Variants in TSC22D1 observed in about 807,000 individuals in gnomAD.
The protein encoded by TSC22D1 is TSC22 domain family protein 1.
A neutral mutation model predicts 74.2 loss-of-function variants in TSC22D1; 9 were observed. The ratio of observed to expected loss-of-function variants is 0.12; its 90% CI spans 0.07 to 0.21. The LOEUF is 0.21. TSC22D1 is among the 10% of genes least tolerant of loss of function. The probability of loss-of-function intolerance (pLI) is 1.00; values close to 1 mark genes in which losing one functional copy is unlikely to be tolerated. For synonymous variants in TSC22D1, 586 were observed against 492.5 expected, an observed-to-expected ratio of 1.19 and a Z score of -2.51; for missense variants, 1,427 against 1,304.7, an observed-to-expected ratio of 1.09 and a Z score of -1.44.
chr13:44,574,672 C>T lies in TSC22D1; in HGVS notation c.1403G>A (p.Ser468Asn). 1.2e-6 allele frequency: 2 copies of T among 1,614,142 alleles called. No individual in the cohort carries two copies. Among genetic ancestry groups the T allele is most frequent in the Non-Finnish European group, 1.7e-6 (2 of 1,180,036 alleles). ...TGTGCTGACACTACTGCTCACTGAA[C>T]TCCCACTAGTGCTCTCCCTTTCAGA... ...VTSERESTSG[S>N]SVSSSVSTLS... The change falls in exon 1 of 3, where the codon AGT becomes AAT. Residue 468 changes from serine (S) to asparagine (N), a missense_variant. Ser to Asn is a conservative substitution (Grantham distance 46). This residue lies in a region of TSC22D1 where 1,343 missense variants were observed against 1,191.5 expected (regional missense o/e 1.13). Coordinates refer to ENST00000458659, the MANE Select transcript of TSC22D1 (RefSeq NM_183422.4).
At chr13:44,509,420 C>G (rs1299007846) in intron 1 of TSC22D1, among the ~76,000 whole-genome samples, 1 of 152,220 alleles carries the variant, frequency 6.6e-6, no homozygotes, top group Non-Finnish European at 1.5e-5. Flanking sequence ...AGGCAGATCA[C>G]TTGAGGTCAG....
chr13:44,531,682 C>G (rs913659692), intron 1 of TSC22D1, among the ~76,000 whole-genome samples: 1 of 152,152 alleles, frequency 6.6e-6, no homozygotes, highest in African/African-American at 2.4e-5. Context: ...CTTAGATGTA[C>G]ATGCAACCAT....
intron 1 of TSC22D1, among the ~76,000 whole-genome samples, chr13:44,544,734 T>C (rs1881710289): frequency 6.6e-6 from 1 of 152,142 alleles, no homozygotes; most frequent in Non-Finnish European, 1.5e-5. Context: ...GTATATTTTC[T>C]CTTCAACCTT....
chr13:44,525,795 C>CAAAAAAA (rs59399056), intron 1 of TSC22D1, among the ~76,000 whole-genome samples: 4 of 88,550 alleles, frequency 4.5e-5, no homozygotes, highest in Non-Finnish European at 5.1e-5. Flanking sequence ...TAGCTTTTAA[C>CAAAAAAA]AAAAAAAAAA....
At chr13:44,548,165 AT>A (rs1881953963) in intron 1 of TSC22D1, among the ~76,000 whole-genome samples, 1 of 152,260 alleles carries the variant, frequency 6.6e-6, no homozygotes, top group African/African-American at 2.4e-5. Context: ...TTTAATTTAC[AT>A]TTTTCCAAAT....
chr13:44,517,829 G>GTGTA lies in TSC22D1; in HGVS notation c.2912+55333_2912+55334insTACA, dbSNP rs1271183064. 4.2e-3 allele frequency among the ~76,000 whole-genome samples: 60 copies of GTGTA among 14,118 alleles called. 2 individuals are homozygous for GTGTA. Among genetic ancestry groups the GTGTA allele is most frequent in the East Asian group, 8.9e-3 (3 of 336 alleles). The allele number at this position is 14,118 out of a possible 152,430, so 9.3% of individuals were successfully genotyped here. A position where few individuals can be genotyped will look rare whatever the true frequency, so the allele number is the denominator to read the frequency against. ...CATATATATGTGTGTGTGTGTGTGTGTATATATATATATATATATATATAT... is the reference window on the plus strand; with the variant it reads ...CATATATATGTGTGTGTGTGTGTGTGTGTATATATATATATATATATATATATAT... On this transcript the variant is annotated intron_variant, in intron 1 of 2. Coordinates refer to ENST00000458659, the MANE Select transcript of TSC22D1 (RefSeq NM_183422.4).
intron 1 of TSC22D1, among the ~76,000 whole-genome samples, chr13:44,463,916 C>T (rs1053172550): frequency 1.3e-5 from 2 of 152,174 alleles, no homozygotes; most frequent in African/African-American, 4.8e-5. Context: ...GAGAGTTCCA[C>T]AGTGCTAAGA....
intron 1 of TSC22D1, among the ~76,000 whole-genome samples, chr13:44,445,372 A>T (rs1875555019): frequency 6.6e-6 from 1 of 152,144 alleles, no homozygotes; most frequent in Admixed American, 6.5e-5. Flanking sequence ...GCCATATGAA[A>T]TATTAACTTA....
At chr13:44,539,696 A>G in intron 1 of TSC22D1, 2 of 1,185,356 alleles carry the variant, frequency 1.7e-6, no homozygotes, top group Non-Finnish European at 2.1e-6. Flanking sequence ...AGTTTACCAC[A>G]GAATTAAATG....
At chr13:44,465,302 G>A (rs1436233779) in intron 1 of TSC22D1, among the ~76,000 whole-genome samples, 1 of 152,116 alleles carries the variant, frequency 6.6e-6, no homozygotes, top group African/African-American at 2.4e-5. Flanking sequence ...CTTTACCCCC[G>A]AAGACTTTGC....
intron 1 of TSC22D1, among the ~76,000 whole-genome samples, chr13:44,547,576 C>T (rs888557062): frequency 2.7e-5 from 4 of 147,384 alleles, no homozygotes; most frequent in African/African-American, 8.1e-5. Context: ...AGACCTTCTC[C>T]TCATTTGTTT....
intron 1 of TSC22D1, among the ~76,000 whole-genome samples, chr13:44,519,517 G>C (rs191598245): frequency 6.6e-6 from 1 of 152,048 alleles, no homozygotes. Context: ...CACAAGAGAC[G>C]TCCCTGAAGT....
intron 1 of TSC22D1, among the ~76,000 whole-genome samples, chr13:44,566,474 A>G (rs887157253): frequency 5.9e-5 from 9 of 152,222 alleles, no homozygotes; most frequent in African/African-American, 2.2e-4. Context: ...ATTACATACT[A>G]TTCTTATTTC....
intron 1 of TSC22D1, among the ~76,000 whole-genome samples, chr13:44,528,377 A>G (rs1007927142): frequency 3.9e-5 from 6 of 152,090 alleles, no homozygotes; most frequent in Non-Finnish European, 1.5e-5. Flanking sequence ...TCAATAACAC[A>G]TACCAAATAT....
At chr13:44,567,330 T>C (rs1054132257) in intron 1 of TSC22D1, among the ~76,000 whole-genome samples, 1 of 152,134 alleles carries the variant, frequency 6.6e-6, no homozygotes, top group Non-Finnish European at 1.5e-5. Context: ...CAGGTTACCA[T>C]ACAGGAAAGC....
chr13:44,435,904 A>T, intron 2 of TSC22D1, 140 bp downstream of exon 2: 1 of 930,504 alleles, frequency 1.1e-6, no homozygotes, highest in Non-Finnish European at 1.7e-6. Context: ...ACGCTGGCCG[A>T]ATGGAGACAG....
At chr13:44,472,628 C>A (rs1566129105) in intron 1 of TSC22D1, among the ~76,000 whole-genome samples, 1 of 152,120 alleles carries the variant, frequency 6.6e-6, no homozygotes, top group South Asian at 2.1e-4. Flanking sequence ...CCACCCTGGA[C>A]AAAATGGTGA....
At chr13:44,524,858 C>T (rs1880476105) in intron 1 of TSC22D1, among the ~76,000 whole-genome samples, 1 of 152,012 alleles carries the variant, frequency 6.6e-6, no homozygotes, top group South Asian at 2.1e-4. Flanking sequence ...TTTTTAACTC[C>T]AAAAGCCCCA....
chr13:44,434,660 T>C lies in TSC22D1; in HGVS notation c.3188A>G (p.Gln1063Arg), dbSNP rs768328908. The change falls in exon 3 of 3, where the codon CAG becomes CGG. Residue 1063 changes from glutamine (Q) to arginine (R), a missense_variant. By Grantham distance (43) the Gln-to-Arg change is conservative. Around this residue, in one of 3 missense-constraint regions of TSC22D1, gnomAD observed 63 missense variants for 50.5 expected, o/e 1.25. Coordinates refer to ENST00000458659, the MANE Select transcript of TSC22D1 (RefSeq NM_183422.4). ...QPQGTTQPPA[Q>R]PASQGSGPTA ...TGGTCCTGAGCCCTGCGATGCTGGC[T>C]GGGCGGGGGGCTGTGTGGTGCCCTG... 1 of 1,590,416 alleles carries C rather than the reference T, an allele frequency of 6.3e-7. No individual in the cohort carries two copies. Among genetic ancestry groups the C allele is most frequent in the Non-Finnish European group, 8.5e-7 (1 of 1,170,174 alleles).
Sources: allele counts gnomAD v4.1 joint callset (sites outside exome capture counted in the v4.1 genomes callset), GRCh38; gene constraint gnomAD v4.1.1; regional missense constraint gnomAD v4.1.1; transcripts MANE v1.5; gene names NCBI Gene and HGNC (gene_info 2026-07-23, HGNC 2026-07-21).